Variants in ASTN2 observed in about 807,000 individuals in gnomAD.
ASTN2 encodes the protein astrotactin-2.
ASTN2 carries 54 observed loss-of-function variants against 139.8 expected under a neutral mutation model. The observed-to-expected ratio is 0.39, with a 90% CI of 0.31 to 0.48. The LOEUF (loss-of-function observed/expected upper bound fraction) is 0.48. Among genes scored for constraint, ASTN2 ranks in the 20% least tolerant of loss-of-function variants. The pLI is 0.95. For synonymous variants in ASTN2, 756 were observed against 719.5 expected, an observed-to-expected ratio of 1.05 and a Z score of -0.81; for missense variants, 1,565 against 1,725.1, an observed-to-expected ratio of 0.91 and a Z score of 1.64.
At chr9:117,355,057 A>G (rs1046316780) in intron 1 of ASTN2, among the ~76,000 whole-genome samples, 3 of 152,086 alleles carry the variant, frequency 2.0e-5, no homozygotes, top group African/African-American at 7.2e-5. Flanking sequence ...TATTTCTTTA[A>G]TATGAACACC....
At chr9:117,170,400 C>G (rs1830764182) in intron 3 of ASTN2, among the ~76,000 whole-genome samples, 1 of 151,996 alleles carries the variant, frequency 6.6e-6, no homozygotes, top group African/African-American at 2.4e-5. Flanking sequence ...GATTGAGCAC[C>G]TGCTAGGTGA....
intron 1 of ASTN2, among the ~76,000 whole-genome samples, chr9:117,322,368 C>A (rs1169953631): frequency 6.6e-6 from 1 of 152,202 alleles, no homozygotes; most frequent in South Asian, 2.1e-4. Context: ...ACTTAATGAT[C>A]ACCTGCCATG....
At chr9:117,313,416 A>G (rs1002304310) in intron 1 of ASTN2, among the ~76,000 whole-genome samples, 23 of 152,162 alleles carry the variant, frequency 1.5e-4, no homozygotes, top group African/African-American at 5.3e-4. Context: ...AGCTCATCAC[A>G]TGCACTCAAG....
At chr9:116,653,151 G>A (rs1858019061) in intron 16 of ASTN2, among the ~76,000 whole-genome samples, 1 of 152,170 alleles carries the variant, frequency 6.6e-6, no homozygotes, top group African/African-American at 2.4e-5. Context: ...GCCAAACATG[G>A]TGCGACGGAT....
rs563955515 is a variant in ASTN2 at position 117,108,427 on chromosome 9, A to G, written c.1169-12276T>C. 3.8e-4 allele frequency among the ~76,000 whole-genome samples: 45 copies of G among 118,776 alleles called. No homozygotes were observed. In the South Asian group the frequency reaches 0.012, roughly 32 times the overall value. The allele number at this position is 118,776 out of a possible 152,430, so 77.9% of individuals were successfully genotyped here. ...CAATTGTGCCCTTTGGAAAAAAACAAAACAAAACAAAACACACACACACAC... is the reference window on the plus strand; with the variant it reads ...CAATTGTGCCCTTTGGAAAAAAACAGAACAAAACAAAACACACACACACAC... On this transcript the variant is annotated intron_variant, in intron 4 of 22. Transcript: ENST00000313400.
At chr9:116,451,755 T>G (rs1848181651) in intron 20 of ASTN2, among the ~76,000 whole-genome samples, 1 of 152,118 alleles carries the variant, frequency 6.6e-6, no homozygotes, top group Non-Finnish European at 1.5e-5. Flanking sequence ...TGATGACAAT[T>G]CTTGCCCTCT....
chr9:116,708,510 A>T (rs1213433098), intron 16 of ASTN2, among the ~76,000 whole-genome samples: 2 of 152,088 alleles, frequency 1.3e-5, no homozygotes, highest in African/African-American at 4.8e-5. Context: ...ACCACATTTA[A>T]CTTTCTTCAG....
intron 10 of ASTN2, among the ~76,000 whole-genome samples, chr9:116,955,241 T>C (rs904389920): frequency 1.3e-5 from 2 of 152,166 alleles, no homozygotes; most frequent in Non-Finnish European, 2.9e-5. Context: ...ATGAAATGAG[T>C]TGATGCCCAC....
At chr9:116,606,160 G>A (rs1424961682) in intron 19 of ASTN2, among the ~76,000 whole-genome samples, 3 of 152,074 alleles carry the variant, frequency 2.0e-5, no homozygotes, top group African/African-American at 7.2e-5. Flanking sequence ...TAGCGTGCGG[G>A]GCATTCAGCC....
At chr9:117,084,631 G>A (rs185657262) in intron 5 of ASTN2, among the ~76,000 whole-genome samples, 2 of 152,320 alleles carry the variant, frequency 1.3e-5, no homozygotes, top group Admixed American at 1.3e-4. Context: ...ATACAAAAGT[G>A]ACACTTAATA....
At chr9:116,906,111 G>A (rs1026471594) in intron 10 of ASTN2, among the ~76,000 whole-genome samples, 2 of 151,992 alleles carry the variant, frequency 1.3e-5, no homozygotes, top group Admixed American at 6.6e-5. Context: ...CTTGGGGCTC[G>A]AGATGACCAG....
chr9:116,865,494 C>T (rs1429509531), intron 10 of ASTN2, among the ~76,000 whole-genome samples: 2 of 142,594 alleles, frequency 1.4e-5, no homozygotes, highest in Non-Finnish European at 3.0e-5. Flanking sequence ...AAGAGAGAGA[C>T]TGATCTACAG....
chr9:117,283,722 C>T (rs1444380928), intron 2 of ASTN2, among the ~76,000 whole-genome samples: 1 of 152,144 alleles, frequency 6.6e-6, no homozygotes, highest in Non-Finnish European at 1.5e-5. Flanking sequence ...ATCTGTTTTC[C>T]CTACTACTCT....
intron 19 of ASTN2, among the ~76,000 whole-genome samples, chr9:116,606,910 C>T (rs975591183): frequency 1.3e-5 from 2 of 152,162 alleles, no homozygotes; most frequent in Non-Finnish European, 2.9e-5. Context: ...GCCAGGTTTT[C>T]CCAAGTCCAT....
intron 19 of ASTN2, among the ~76,000 whole-genome samples, chr9:116,607,056 T>G (rs1249770517): frequency 6.6e-6 from 1 of 152,188 alleles, no homozygotes; most frequent in Non-Finnish European, 1.5e-5. Context: ...ATGAGGTGAA[T>G]GTTTCAGATG....
At chr9:116,957,729 A>G (rs1416849856) in intron 10 of ASTN2, among the ~76,000 whole-genome samples, 2 of 152,182 alleles carry the variant, frequency 1.3e-5, no homozygotes, top group Non-Finnish European at 2.9e-5. Context: ...TCACCAGGCT[A>G]GAGTGCAGTG....
intron 12 of ASTN2, among the ~76,000 whole-genome samples, chr9:116,815,813 A>AAAAAAAAAAAAAAAG (rs1831307209): frequency 6.8e-6 from 1 of 146,692 alleles, no homozygotes; most frequent in Non-Finnish European, 1.5e-5. Context: ...TCAAAAAAAA[A>AAAAAAAAAAAAAAAG]AAAAAAAAAA....
At chr9:116,773,165 G>A (rs957297581) in intron 13 of ASTN2, among the ~76,000 whole-genome samples, 1 of 148,534 alleles carries the variant, frequency 6.7e-6, no homozygotes, top group South Asian at 2.1e-4. Context: ...TTTTCTTTTA[G>A]GACATAGAAC....
intron 10 of ASTN2, among the ~76,000 whole-genome samples, chr9:116,919,761 T>C (rs1194311763): frequency 6.7e-6 from 1 of 149,356 alleles, no homozygotes; most frequent in African/African-American, 2.5e-5. Flanking sequence ...CTGGGCTACA[T>C]GGCAAAACCC....
Sources: allele counts gnomAD v4.1 joint callset (sites outside exome capture counted in the v4.1 genomes callset), GRCh38; gene constraint gnomAD v4.1.1; transcripts MANE v1.5; gene names NCBI Gene and HGNC (gene_info 2026-07-23, HGNC 2026-07-21).